Variants in LRRTM4 observed in about 807,000 individuals in gnomAD.
LRRTM4 encodes leucine-rich repeat transmembrane neuronal protein 4.
Under a neutral mutation model 47.6 loss-of-function variants are expected in LRRTM4, and 25 were observed. That is an observed-to-expected ratio of 0.53 (90% CI 0.38 to 0.73). LRRTM4 has a LOEUF of 0.73. LRRTM4 is among the 30% of genes least tolerant of loss of function. The pLI is 0.00. For synonymous variants in LRRTM4, 311 were observed against 269.5 expected (o/e 1.15, Z -1.51); for missense variants, 638 against 713.4 (o/e 0.89, Z 1.20).
intron 3 of LRRTM4, among the ~76,000 whole-genome samples, chr2:77,263,995 C>T (rs76663533): frequency 0.039 from 5,813 of 150,798 alleles, 163 homozygotes; most frequent in Non-Finnish European, 0.058. Context: ...TATGTTAAAC[C>T]GAAACTTCTT....
intron 3 of LRRTM4, among the ~76,000 whole-genome samples, chr2:77,480,734 C>A (rs1268297733): frequency 6.6e-6 from 1 of 151,428 alleles, no homozygotes; most frequent in African/African-American, 2.4e-5. Context: ...CAGCATCACT[C>A]TCCAACACTC....
chr2:77,292,347 G>A (rs879290407), intron 3 of LRRTM4, among the ~76,000 whole-genome samples: 2,123 of 151,478 alleles, frequency 0.014, 24 homozygotes, highest in Non-Finnish European at 0.021. Flanking sequence ...CCATTACTGG[G>A]TATATACCCA....
chr2:76,958,186 C>G (rs1195375542), intron 3 of LRRTM4, among the ~76,000 whole-genome samples: 2 of 151,812 alleles, frequency 1.3e-5, no homozygotes, highest in African/African-American at 4.8e-5. Flanking sequence ...ACCTCTTGCA[C>G]TCAGTGGCCA....
intron 3 of LRRTM4, among the ~76,000 whole-genome samples, chr2:77,426,066 G>A (rs1211518540): frequency 1.7e-4 from 26 of 150,334 alleles, no homozygotes; most frequent in Non-Finnish European, 3.1e-4. Context: ...AGTGAGCCGA[G>A]ATTGCGCCAC....
intron 3 of LRRTM4, among the ~76,000 whole-genome samples, chr2:76,795,456 C>G (rs918190434): frequency 6.6e-6 from 1 of 151,976 alleles, no homozygotes; most frequent in African/African-American, 2.4e-5. Flanking sequence ...ATTGTAATGA[C>G]TATATACACA....
chr2:77,044,489 A>G (rs925890988), intron 3 of LRRTM4, among the ~76,000 whole-genome samples: 1 of 151,594 alleles, frequency 6.6e-6, no homozygotes, highest in South Asian at 2.1e-4. Context: ...TTGACATTCA[A>G]ATGTTTCTTA....
chr2:77,166,776 C>T (rs1672898474), intron 3 of LRRTM4, among the ~76,000 whole-genome samples: 1 of 152,088 alleles, frequency 6.6e-6, no homozygotes, highest in African/African-American at 2.4e-5. Flanking sequence ...AAACTGGATC[C>T]CTTCCTTACA....
intron 3 of LRRTM4, among the ~76,000 whole-genome samples, chr2:76,945,368 C>T (rs2103872809): frequency 6.6e-6 from 1 of 152,038 alleles, no homozygotes; most frequent in African/African-American, 2.4e-5. Context: ...AAAATGCCAC[C>T]ACCATAAAAT....
At chr2:76,977,843 T>C (rs562618445) in intron 3 of LRRTM4, among the ~76,000 whole-genome samples, 1 of 151,968 alleles carries the variant, frequency 6.6e-6, no homozygotes, top group Non-Finnish European at 1.5e-5. Flanking sequence ...AGAAAACAAA[T>C]ACGGATTAGG....
chr2:76,871,579 C>A lies in LRRTM4; in HGVS notation c.1552-122663G>T, dbSNP rs186160183. 5.9e-5 allele frequency among the ~76,000 whole-genome samples: 9 copies of A among 152,252 alleles called. No homozygotes were observed. In the East Asian group the frequency reaches 1.5e-3, roughly 26 times the overall value. On this transcript the variant is annotated intron_variant, in intron 3 of 3. Transcript: ENST00000409884. Reference sequence around the variant, plus strand: ...TATGGTAGACAGGTTCTGAAATGATCTCCTATGATATCTTCCTTTTGGCAT... The same window carrying A: ...TATGGTAGACAGGTTCTGAAATGATATCCTATGATATCTTCCTTTTGGCAT...
chr2:76,867,200 G>A (rs1380192427), intron 3 of LRRTM4, among the ~76,000 whole-genome samples: 4 of 152,086 alleles, frequency 2.6e-5, no homozygotes, highest in Non-Finnish European at 4.4e-5. Flanking sequence ...AAAGCTGCAC[G>A]TTCAGCGCAT....
intron 3 of LRRTM4, among the ~76,000 whole-genome samples, chr2:77,061,565 T>G (rs991932429): frequency 6.6e-6 from 1 of 152,076 alleles, no homozygotes; most frequent in Non-Finnish European, 1.5e-5. Context: ...GAAAGAGTGT[T>G]CAGTGTGGGG....
At chr2:77,260,407 G>GTGTGTGTGTGTA (rs1553418014) in intron 3 of LRRTM4, among the ~76,000 whole-genome samples, 15 of 151,280 alleles carry the variant, frequency 9.9e-5, no homozygotes, top group African/African-American at 3.7e-4. Flanking sequence ...GTGTGTGTGT[G>GTGTGTGTGTGTA]TGTGTGTAGA....
At chr2:77,408,977 T>C (rs1674317560) in intron 3 of LRRTM4, among the ~76,000 whole-genome samples, 1 of 152,204 alleles carries the variant, frequency 6.6e-6, no homozygotes, top group African/African-American at 2.4e-5. Flanking sequence ...AGCCAACTAC[T>C]GTAGGGAAAA....
intron 3 of LRRTM4, among the ~76,000 whole-genome samples, chr2:76,908,609 A>C (rs1431901518): frequency 6.6e-6 from 1 of 152,182 alleles, no homozygotes; most frequent in Non-Finnish European, 1.5e-5. Flanking sequence ...GTCTCAGCCC[A>C]AAATCTCCTT....
intron 3 of LRRTM4, among the ~76,000 whole-genome samples, chr2:76,757,540 G>T (rs1264414388): frequency 6.6e-6 from 1 of 152,124 alleles, no homozygotes; most frequent in African/African-American, 2.4e-5. Flanking sequence ...TAATGAGCTG[G>T]ATTAATTAGC....
At chr2:77,183,401 G>C (rs1207350732) in intron 3 of LRRTM4, among the ~76,000 whole-genome samples, 1 of 152,182 alleles carries the variant, frequency 6.6e-6, no homozygotes, top group African/African-American at 2.4e-5. Context: ...ACACCAGTTA[G>C]AATGGCGATC....
At chr2:77,360,501 C>CGATAT (rs976290877) in intron 3 of LRRTM4, among the ~76,000 whole-genome samples, 6 of 148,952 alleles carry the variant, frequency 4.0e-5, no homozygotes, top group Admixed American at 2.0e-4. Context: ...CGATACGATA[C>CGATAT]GATACGATAC....
At position 77,224,781 on chromosome 2, in the gene LRRTM4, A is replaced by G. The variant is rs551002148; in HGVS notation, c.1551+293537T>C. Among the ~76,000 whole-genome samples, 27 of 152,284 alleles carry G rather than the reference A, an allele frequency of 1.8e-4. No individual in the cohort carries two copies. In the Middle Eastern group the frequency reaches 0.017, roughly 96 times the overall value. Reference sequence around the variant, plus strand: ...TGTTGGTGGGACTGTAAACTAGTTCAACCATTGTGGAAGTCAGTGTGGTGA... The same window carrying G: ...TGTTGGTGGGACTGTAAACTAGTTCGACCATTGTGGAAGTCAGTGTGGTGA... On this transcript the variant is annotated intron_variant, in intron 3 of 3. Coordinates refer to ENST00000409884, the MANE Select transcript of LRRTM4 (RefSeq NM_001134745.3).
Sources: allele counts gnomAD v4.1 joint callset (sites outside exome capture counted in the v4.1 genomes callset), GRCh38; gene constraint gnomAD v4.1.1; transcripts MANE v1.5; gene names NCBI Gene and HGNC (gene_info 2026-07-23, HGNC 2026-07-21).